Variants in PEX5L observed in about 807,000 individuals in gnomAD.
PEX5L encodes PEX5-related protein.
PEX5L carries 30 observed loss-of-function variants against 84.0 expected under a neutral mutation model. That is an observed-to-expected ratio of 0.36 (90% CI 0.27 to 0.48). The LOEUF is 0.48. Ranked by LOEUF, PEX5L falls within the 20% of genes least tolerant of loss-of-function variation. PEX5L has a pLI of 0.99. For missense variants in PEX5L, 533 were observed against 754.6 expected, an observed-to-expected ratio of 0.71 and a Z score of 3.44; for synonymous variants, 270 against 283.1, an observed-to-expected ratio of 0.95 and a Z score of 0.46.
At chr3:180,003,527 T>C (rs1351620340) in intron 1 of PEX5L, among the ~76,000 whole-genome samples, 1 of 152,114 alleles carries the variant, frequency 6.6e-6, no homozygotes, top group Non-Finnish European at 1.5e-5. Flanking sequence ...ATATGTAAAC[T>C]GGAAAATGAT....
chr3:179,966,731 G>A (rs1445003155), intron 2 of PEX5L, among the ~76,000 whole-genome samples: 1 of 152,188 alleles, frequency 6.6e-6, no homozygotes, highest in East Asian at 1.9e-4. Context: ...GGAGACACAA[G>A]GGTGAGGTTA....
At position 180,024,379 on chromosome 3, in the gene PEX5L, C is replaced by A. The variant is rs1291935934; in HGVS notation, c.21+12200G>T. On this transcript the variant is annotated intron_variant, in intron 1 of 14. Transcript: ENST00000467460. ...ATATATATATATATATATATACACA[C>A]ACAAAAAAAAAAAAAATTAGCCGTG... Among the ~76,000 whole-genome samples the A allele has an allele frequency of 2.5e-3, 255 of 101,614 alleles. 8 individuals carry two copies. Among genetic ancestry groups the A allele is most frequent in the African/African-American group, 0.011 (233 of 22,164 alleles). 66.7% of individuals were successfully genotyped at this position (101,614 alleles called of 152,430 possible).
At chr3:179,911,196 A>G (rs1765051307) in intron 2 of PEX5L, among the ~76,000 whole-genome samples, 1 of 152,162 alleles carries the variant, frequency 6.6e-6, no homozygotes, top group African/African-American at 2.4e-5. Context: ...GGAAGAAAAC[A>G]GTTGTCAAGT....
At chr3:179,868,922 CGTTAAGAACA>C (rs1270080968) in intron 7 of PEX5L, among the ~76,000 whole-genome samples, 2 of 151,336 alleles carry the variant, frequency 1.3e-5, no homozygotes, top group Admixed American at 6.6e-5. Context: ...TGTGTATACA[CGTTAAGAACA>C]TCTGTATGCC....
In PEX5L at chr3:179,862,072, C is replaced by T. The variant is rs1746377593; in HGVS notation, c.727-2915G>A. On this transcript the variant is annotated intron_variant, in intron 7 of 14. Coordinates refer to ENST00000467460, the MANE Select transcript of PEX5L (RefSeq NM_016559.3). ...CAAGGCATTAGCAGGGCCACGTTCC[C>T]TCTGAAGGCTCTGGGGGAGAATCTG... 3.3e-5 allele frequency among the ~76,000 whole-genome samples: 5 copies of T among 152,192 alleles called. No individual in the cohort carries two copies. In the South Asian group the frequency reaches 1.0e-3, roughly 32 times the overall value.
At chr3:179,869,566 T>A (rs1749562434) in intron 7 of PEX5L, among the ~76,000 whole-genome samples, 2 of 152,216 alleles carry the variant, frequency 1.3e-5, no homozygotes, top group Non-Finnish European at 2.9e-5. Flanking sequence ...GCCGGGTACT[T>A]TGAACTAAAG....
At chr3:179,805,313 C>T (rs1381739413) in intron 14 of PEX5L, among the ~76,000 whole-genome samples, 1 of 152,004 alleles carries the variant, frequency 6.6e-6, no homozygotes, top group Non-Finnish European at 1.5e-5. Context: ...ATACAGAATG[C>T]ATAGTTAAAT....
At position 179,840,161 on chromosome 3, in the gene PEX5L, TTGTGTGTGTG is replaced by T. The variant is rs1235556692; in HGVS notation, c.822+18891_822+18900del. On this transcript the variant is annotated intron_variant, in intron 8 of 14. Transcript: ENST00000467460. The stretch of plus-strand genomic sequence containing the variant: ...TGGAAAACTATCGTCAAGTTGTTTT[TTGTGTGTGTG>T]TGTGTGTGTGTGTTTTTTTTTTTTT... Among the ~76,000 whole-genome samples the T allele has an allele frequency of 8.8e-3, 1,090 of 123,672 alleles. 14 individuals are homozygous for T. Among genetic ancestry groups the T allele is most frequent in the Middle Eastern group, 0.047 (10 of 214 alleles). 81.1% of individuals were successfully genotyped at this position (123,672 alleles called of 152,430 possible).
chr3:180,004,138 T>C (rs1788663202), intron 1 of PEX5L, among the ~76,000 whole-genome samples: 1 of 152,186 alleles, frequency 6.6e-6, no homozygotes, highest in Non-Finnish European at 1.5e-5. Context: ...TTTTTTGCCG[T>C]TGAACTGACT....
chr3:179,822,490 A>AAACT (rs1377523023), intron 8 of PEX5L, among the ~76,000 whole-genome samples: 1 of 152,266 alleles, frequency 6.6e-6, no homozygotes, highest in Non-Finnish European at 1.5e-5. Context: ...GACTAATTAA[A>AAACT]GTGCAGAGCA....
rs1385835086 is a variant in PEX5L, at chr3:179,795,060, TTTTG to T, written c.*6764_*6767del. On this transcript the variant is annotated 3_prime_UTR_variant, in exon 15 of 15. Transcript: ENST00000467460. ...TAACAAAGGAGGAAGATTTTTAAAG[TTTTG>T]TTTTATATCCAAAAATGCATTCCTG... 1.3e-5 allele frequency: 2 copies of T among 152,196 alleles called. No homozygotes were observed. Among genetic ancestry groups the T allele is most frequent in the African/African-American group, 4.8e-5 (2 of 41,458 alleles). 9.4% of individuals were successfully genotyped at this position (152,196 alleles called of 1,614,324 possible). A position where few individuals can be genotyped will look rare whatever the true frequency, so the allele number is the denominator to read the frequency against.
chr3:179,931,897 G>T (rs575890250), intron 2 of PEX5L, among the ~76,000 whole-genome samples: 59 of 151,304 alleles, frequency 3.9e-4, no homozygotes, highest in Admixed American at 9.9e-4. Context: ...AGTGTTTTTG[G>T]ATGGCAGATT....
chr3:179,894,651 GC>G (rs1440780913), intron 3 of PEX5L, among the ~76,000 whole-genome samples: 1 of 152,058 alleles, frequency 6.6e-6, no homozygotes, highest in African/African-American at 2.4e-5. Flanking sequence ...CTTACTAGCA[GC>G]CTTGAAAATA....
intron 1 of PEX5L, among the ~76,000 whole-genome samples, chr3:179,992,213 G>A (rs1336411976): frequency 6.6e-6 from 1 of 152,150 alleles, no homozygotes; most frequent in Non-Finnish European, 1.5e-5. Context: ...TGTCCAAATT[G>A]TTAGATTGCT....
At chr3:179,859,013 C>A in intron 8 of PEX5L, 49 bp downstream of exon 8, 1 of 1,182,696 alleles carries the variant, frequency 8.5e-7, no homozygotes, top group Non-Finnish European at 1.3e-6. Context: ...TTTTCAAATG[C>A]CACTCTCAGG....
At chr3:179,892,656 T>C (rs1018921362) in intron 3 of PEX5L, among the ~76,000 whole-genome samples, 4 of 152,078 alleles carry the variant, frequency 2.6e-5, no homozygotes, top group African/African-American at 9.7e-5. Flanking sequence ...TCTTTGCCGG[T>C]TTTAAACCAC....
intron 13 of PEX5L, 70 bp downstream of exon 13, chr3:179,808,202 C>A: frequency 8.0e-7 from 1 of 1,244,274 alleles, no homozygotes; most frequent in Non-Finnish European, 1.1e-6. Context: ...GAAATGTAGA[C>A]GGTGTAGCCT....
At chr3:179,879,488 A>G (rs1753505331) in intron 5 of PEX5L, among the ~76,000 whole-genome samples, 1 of 152,142 alleles carries the variant, frequency 6.6e-6, no homozygotes, top group Admixed American at 6.5e-5. Context: ...CCACCATCAA[A>G]TGGTAGCTGT....
intron 2 of PEX5L, among the ~76,000 whole-genome samples, chr3:179,899,738 T>C (rs1294795636): frequency 1.3e-5 from 2 of 152,182 alleles, no homozygotes; most frequent in Non-Finnish European, 2.9e-5. Flanking sequence ...TGAAAGTTTG[T>C]TTCTTTGTTT....
Sources: gnomAD v4.1 joint callset for allele counts (sites outside exome capture counted in the v4.1 genomes callset) on GRCh38, gnomAD v4.1.1 for gene constraint, MANE v1.5 for transcripts, NCBI Gene and HGNC (gene_info 2026-07-23, HGNC 2026-07-21) for gene names.